CALN1: variants seen among roughly 807,000 people sequenced by gnomAD.
CALN1 encodes calneuron 1.
CALN1 carries 17 observed loss-of-function variants against 30.6 expected under a neutral mutation model. That is an observed-to-expected ratio of 0.56 (90% CI 0.38 to 0.83). CALN1 has a LOEUF of 0.83. CALN1 is among the 40% of genes least tolerant of loss of function. The pLI is 0.00. For synonymous variants in CALN1, 156 were observed against 131.4 expected (o/e 1.19, Z -1.28); for missense variants, 291 against 354.9 (o/e 0.82, Z 1.45).
intron 5 of CALN1, among the ~76,000 whole-genome samples, chr7:71,836,616 CTG>C (rs1403868708): frequency 2.6e-4 from 35 of 133,648 alleles, no homozygotes; most frequent in African/African-American, 1.0e-3. Context: ...TTATTTCTCT[CTG>C]TCTCTTTTTT....
intron 2 of CALN1, among the ~76,000 whole-genome samples, chr7:72,335,674 G>A (rs1456788581): frequency 2.6e-5 from 4 of 152,208 alleles, no homozygotes; most frequent in African/African-American, 4.8e-5. Context: ...CTTCACCCAG[G>A]AGCTACGGGC....
chr7:71,816,591 C>T (rs886990976), intron 5 of CALN1, among the ~76,000 whole-genome samples: 2 of 152,070 alleles, frequency 1.3e-5, no homozygotes, highest in Admixed American at 1.3e-4. Flanking sequence ...TGCTGTCATT[C>T]AGAAATCAGG....
Position 72,348,844 on chromosome 7 carries a change from T to G in CALN1, c.119+54407A>C, listed in dbSNP as rs540117273. Among the ~76,000 whole-genome samples the G allele has an allele frequency of 7.2e-5, 11 of 152,176 alleles. 2 individuals carry two copies. In the South Asian group the frequency reaches 1.7e-3, roughly 23 times the overall value. Reference sequence around the variant, plus strand: ...ATGCCTAGCAAAGAAACTTCAAAACTCTTCAAAGGACAAAAGCAAAATTCA... The same window carrying G: ...ATGCCTAGCAAAGAAACTTCAAAACGCTTCAAAGGACAAAAGCAAAATTCA... On this transcript the variant is annotated intron_variant, in intron 2 of 6. Transcript: ENST00000395275.
rs76480136 is a variant in CALN1, at chr7:71,789,915, G to A, written c.659-2013C>T. Among the ~76,000 whole-genome samples the A allele has an allele frequency of 2.8e-3, 430 of 151,880 alleles. 2 individuals carry two copies. The highest frequency in any genetic ancestry group is 4.6e-3 in the Non-Finnish European group (311 of 67,922). Reference sequence around the variant, plus strand: ...GTTTGAGACCAGCCTGGGTAACATAGAAAGACCCTGTCCCTACAAAAAATA... The same window carrying A: ...GTTTGAGACCAGCCTGGGTAACATAAAAAGACCCTGTCCCTACAAAAAATA... On this transcript the variant is annotated intron_variant, in intron 6 of 6. Transcript: ENST00000395275.
At chr7:72,482,835 C>G in the CALN1 span, among the ~76,000 whole-genome samples, 1 of 152,146 alleles carries the variant, frequency 6.6e-6, no homozygotes, top group Admixed American at 6.6e-5. Context: ...ATATTTCCTT[C>G]TGGTCTCATT....
intron 2 of CALN1, among the ~76,000 whole-genome samples, chr7:72,364,828 T>C (rs1803786050): frequency 6.6e-6 from 1 of 152,170 alleles, no homozygotes. Context: ...GTAGTATTAG[T>C]ATTCGAGATC....
At chr7:71,989,768 T>C (rs921101293) in intron 5 of CALN1, among the ~76,000 whole-genome samples, 30 of 151,944 alleles carry the variant, frequency 2.0e-4, no homozygotes, top group African/African-American at 6.8e-4. Context: ...ACTCCAAAAA[T>C]CACTGTTAGC....
chr7:72,326,370 C>G (rs571648833), intron 2 of CALN1, among the ~76,000 whole-genome samples: 13 of 152,176 alleles, frequency 8.5e-5, no homozygotes, highest in Admixed American at 2.0e-4. Context: ...TCTCTGTGAC[C>G]TGGCTACATC....
chr7:71,813,468 A>T (rs556414095), intron 5 of CALN1, among the ~76,000 whole-genome samples: 3 of 152,222 alleles, frequency 2.0e-5, no homozygotes, highest in Admixed American at 2.0e-4. Flanking sequence ...TCTCCTAGGA[A>T]GCCTGTTATT....
intron 5 of CALN1, among the ~76,000 whole-genome samples, chr7:71,976,611 T>C (rs780606249): frequency 1.3e-5 from 2 of 152,082 alleles, no homozygotes; most frequent in Non-Finnish European, 2.9e-5. Context: ...CTATTGAAAA[T>C]GGATAGGCTG....
chr7:72,141,661 T>C (rs559252336), intron 3 of CALN1, among the ~76,000 whole-genome samples: 2 of 152,106 alleles, frequency 1.3e-5, no homozygotes, highest in South Asian at 2.1e-4. Flanking sequence ...CTCCGTCTCC[T>C]GGGTTCAAGC....
chr7:72,317,307 G>A (rs1419494165), intron 2 of CALN1, among the ~76,000 whole-genome samples: 1 of 151,938 alleles, frequency 6.6e-6, no homozygotes, highest in Non-Finnish European at 1.5e-5. Context: ...GAAAAGGAGG[G>A]AAGGTGTTTC....
chr7:71,960,124 C>G (rs924784707), intron 5 of CALN1, among the ~76,000 whole-genome samples: 2 of 142,236 alleles, frequency 1.4e-5, no homozygotes, highest in East Asian at 4.1e-4. Context: ...CAGAGAGAGA[C>G]TCCATCTCAA....
intron 1 of CALN1, among the ~76,000 whole-genome samples, chr7:72,410,697 G>A (rs899264905): frequency 2.6e-5 from 4 of 152,010 alleles, no homozygotes; most frequent in Admixed American, 2.0e-4. Context: ...CCCTATGAAC[G>A]GCTCACAATT....
the CALN1 span, among the ~76,000 whole-genome samples, chr7:72,455,321 A>ATGTGTGTG: frequency 8.6e-4 from 120 of 138,852 alleles, 1 homozygote; most frequent in South Asian, 6.4e-3. Context: ...ATATATATAT[A>ATGTGTGTG]TGTGTGTGTG....
chr7:72,368,774 G>A (rs1309034525), intron 2 of CALN1, among the ~76,000 whole-genome samples: 2 of 148,756 alleles, frequency 1.3e-5, no homozygotes, highest in African/African-American at 5.0e-5. Flanking sequence ...TGAAATTTCT[G>A]CTGATTTCAC....
chr7:72,105,034 G>GAAA (rs112842604), intron 4 of CALN1, among the ~76,000 whole-genome samples: 2 of 144,140 alleles, frequency 1.4e-5, no homozygotes, highest in Non-Finnish European at 1.5e-5. Context: ...GACCTGTCAT[G>GAAA]AAAAAAAAAA....
intron 4 of CALN1, among the ~76,000 whole-genome samples, chr7:72,053,788 C>G (rs553540168): frequency 6.6e-6 from 1 of 151,314 alleles, no homozygotes; most frequent in African/African-American, 2.4e-5. Flanking sequence ...CCCTCACCCC[C>G]CTCCCACCCT....
intron 5 of CALN1, among the ~76,000 whole-genome samples, chr7:71,864,539 G>T (rs960525079): frequency 1.2e-4 from 18 of 152,272 alleles, no homozygotes; most frequent in African/African-American, 4.3e-4. Flanking sequence ...CTAGAATCCT[G>T]AGCTCCAAAT....
Sources: gnomAD v4.1 joint callset for allele counts (sites outside exome capture counted in the v4.1 genomes callset) on GRCh38, gnomAD v4.1.1 for gene constraint, MANE v1.5 for transcripts, NCBI Gene and HGNC (gene_info 2026-07-23, HGNC 2026-07-21) for gene names.